The following FRMD3 variants were observed in gnomAD, a reference collection of about 807,000 sequenced individuals.
FRMD3 encodes FERM domain containing 3.
In FRMD3, 33 loss-of-function variants were observed where a neutral mutation model predicts 70.2. That is an observed-to-expected ratio of 0.47 (90% CI 0.36 to 0.63). The LOEUF is 0.63. Among genes scored for constraint, FRMD3 ranks in the 20% least tolerant of loss-of-function variants. FRMD3 has a pLI of 0.00. For missense variants in FRMD3, 632 were observed against 711.4 expected (o/e 0.89, Z 1.27); for synonymous variants, 279 against 255.9 (o/e 1.09, Z -0.86).
intron 1 of FRMD3, among the ~76,000 whole-genome samples, chr9:83,451,338 T>C (rs1424271015): frequency 6.6e-6 from 1 of 150,618 alleles, no homozygotes; most frequent in Non-Finnish European, 1.5e-5. Context: ...ATAGAAATGT[T>C]AAACTGCCCC....
chr9:83,509,689 G>C (rs975554482), intron 1 of FRMD3, among the ~76,000 whole-genome samples: 1 of 152,148 alleles, frequency 6.6e-6, no homozygotes, highest in Non-Finnish European at 1.5e-5. Flanking sequence ...CAACAAAACA[G>C]TTCCAAGGAT....
At chr9:83,248,889 T>C (rs934988772) in intron 13 of FRMD3, among the ~76,000 whole-genome samples, 2 of 152,360 alleles carry the variant, frequency 1.3e-5, no homozygotes, top group African/African-American at 4.8e-5. Context: ...CGATATATTA[T>C]AGTAAAACAA....
chr9:83,455,023 C>G (rs369025416), intron 1 of FRMD3, among the ~76,000 whole-genome samples: 1 of 152,000 alleles, frequency 6.6e-6, no homozygotes, highest in African/African-American at 2.4e-5. Context: ...AAAGAAATAC[C>G]GAGTTTGTTA....
At chr9:83,339,882 A>G (rs1823698985) in intron 5 of FRMD3, among the ~76,000 whole-genome samples, 1 of 152,244 alleles carries the variant, frequency 6.6e-6, no homozygotes, top group South Asian at 2.1e-4. Flanking sequence ...AGTCTTTCCC[A>G]TAGTTAAATG....
At chr9:83,288,561 CG>C (rs773021860) in intron 13 of FRMD3, among the ~76,000 whole-genome samples, 2 of 152,126 alleles carry the variant, frequency 1.3e-5, no homozygotes, top group Non-Finnish European at 2.9e-5. Flanking sequence ...TATTAGATAT[CG>C]ATAGAGCTAT....
chr9:83,358,203 C>G (rs1331522985), intron 3 of FRMD3, among the ~76,000 whole-genome samples: 1 of 152,144 alleles, frequency 6.6e-6, no homozygotes, highest in Non-Finnish European at 1.5e-5. Context: ...CCTTTCCCCA[C>G]TTTACGTTTT....
chr9:83,402,181 G>T (rs542975199), intron 1 of FRMD3, among the ~76,000 whole-genome samples: 15 of 150,600 alleles, frequency 1.0e-4, no homozygotes, highest in African/African-American at 3.7e-4. Context: ...AGTCAATTAG[G>T]AGCTGACATT....
At chr9:83,243,894 G>A (rs1253966332), downstream of FRMD3, among the ~76,000 whole-genome samples, 1 of 152,068 alleles carries the variant, frequency 6.6e-6, no homozygotes, top group Non-Finnish European at 1.5e-5. Context: ...TCAAGGCTAC[G>A]CTGGGCAGAG....
At chr9:83,540,762 C>T (rs1829990984), upstream of FRMD3, among the ~76,000 whole-genome samples, 1 of 152,228 alleles carries the variant, frequency 6.6e-6, no homozygotes. Flanking sequence ...CCTAAATTAT[C>T]AGCTTATGAC....
intron 1 of FRMD3, among the ~76,000 whole-genome samples, chr9:83,464,259 G>A (rs1010928060): frequency 1.3e-5 from 2 of 152,194 alleles, no homozygotes; most frequent in Non-Finnish European, 2.9e-5. Context: ...AGAGGCTGTA[G>A]TGTCCTGATC....
intron 1 of FRMD3, among the ~76,000 whole-genome samples, chr9:83,475,926 C>G (rs764851320): frequency 2.6e-5 from 4 of 152,170 alleles, no homozygotes; most frequent in Non-Finnish European, 4.4e-5. Flanking sequence ...CCTCCTCCCC[C>G]CAGGCCTCAC....
At chr9:83,345,672 A>T (rs1823932869) in intron 4 of FRMD3, among the ~76,000 whole-genome samples, 1 of 151,996 alleles carries the variant, frequency 6.6e-6, no homozygotes, top group South Asian at 2.1e-4. Context: ...CAGGAGAATC[A>T]CTTGAACCTG....
At chr9:83,284,815 C>T (rs1219965081) in intron 13 of FRMD3, among the ~76,000 whole-genome samples, 1 of 152,142 alleles carries the variant, frequency 6.6e-6, no homozygotes, top group East Asian at 1.9e-4. Flanking sequence ...TCACGTCAGA[C>T]AGGCAGGGAG....
chr9:83,430,266 A>C (rs1203987653), intron 1 of FRMD3, among the ~76,000 whole-genome samples: 1 of 151,950 alleles, frequency 6.6e-6, no homozygotes, highest in African/African-American at 2.4e-5. Flanking sequence ...CCCTTGTCCC[A>C]CGCTGGCCCC....
At chr9:83,486,188 A>G (rs1489936009) in intron 1 of FRMD3, among the ~76,000 whole-genome samples, 2 of 152,134 alleles carry the variant, frequency 1.3e-5, no homozygotes, top group Non-Finnish European at 2.9e-5. Context: ...CAGAGGCACA[A>G]TTTTGAAATT....
chr9:83,370,786 C>A (rs1376560822), intron 3 of FRMD3, among the ~76,000 whole-genome samples: 1 of 152,104 alleles, frequency 6.6e-6, no homozygotes, highest in Non-Finnish European at 1.5e-5. Context: ...GTAGTGCACG[C>A]CCGTAGTTCT....
chr9:83,528,038 C>T (rs888856093), intron 1 of FRMD3, among the ~76,000 whole-genome samples: 1 of 152,180 alleles, frequency 6.6e-6, no homozygotes, highest in African/African-American at 2.4e-5. Flanking sequence ...AAAATGCCTA[C>T]TCAGAAAAAG....
rs141929008 is a variant in FRMD3, at chr9:83,431,917, C to G, written c.148-42209G>C. On this transcript the variant is annotated intron_variant, in intron 1 of 13. Transcript: ENST00000304195. The stretch of plus-strand genomic sequence containing the variant: ...GCTTGCCAGCTGCTGGCACAGCACT[C>G]TGCAGAGAGAGGACACTTAGTTCAA... Among the ~76,000 whole-genome samples, 270 of 152,340 alleles carry G rather than the reference C, an allele frequency of 1.8e-3. 1 individual carries two copies. The highest frequency in any genetic ancestry group is 6.1e-3 in the African/African-American group (254 of 41,570).
intron 1 of FRMD3, among the ~76,000 whole-genome samples, chr9:83,530,224 C>T (rs1403177009): frequency 6.6e-6 from 1 of 152,134 alleles, no homozygotes; most frequent in Non-Finnish European, 1.5e-5. Context: ...CCAAAATGTC[C>T]ATCAACCCAA....
Sources: allele counts gnomAD v4.1 joint callset (sites outside exome capture counted in the v4.1 genomes callset), GRCh38; gene constraint gnomAD v4.1.1; transcripts MANE v1.5; gene names NCBI Gene and HGNC (gene_info 2026-07-23, HGNC 2026-07-21).